The following MCF2L2 variants were observed in gnomAD, a reference collection of about 807,000 sequenced individuals.
MCF2L2 encodes probable guanine nucleotide exchange factor MCF2L2.
Under a neutral mutation model 150.2 loss-of-function variants are expected in MCF2L2, and 102 were observed. The ratio of observed to expected loss-of-function variants is 0.68; its 90% CI spans 0.58 to 0.80. The LOEUF is 0.80. Among genes scored for constraint, MCF2L2 ranks in the 30% least tolerant of loss-of-function variants. MCF2L2 has a pLI of 0.00. For synonymous variants in MCF2L2, 465 were observed against 491.3 expected (o/e 0.95, Z 0.71); for missense variants, 1,256 against 1,372.8 (o/e 0.91, Z 1.34).
At position 183,283,186 on chromosome 3, in the gene MCF2L2, A is replaced by T. The variant is rs1266820665; in HGVS notation, c.1776+5934T>A. Among the ~76,000 whole-genome samples the T allele has an allele frequency of 6.8e-6, 1 of 146,402 alleles. No individual in the cohort carries two copies. The highest frequency in any genetic ancestry group is 2.6e-5 in the African/African-American group (1 of 38,560). ...AGGGAGAACGTTTCAGTCAATGGGT[A>T]TGATTTCTGCTCACCTCTTTTTGCC... On this transcript the variant is annotated intron_variant, in intron 14 of 29. Coordinates refer to ENST00000328913, the MANE Select transcript of MCF2L2 (RefSeq NM_015078.4). The surrounding 1 kb of genome is among the most constrained non-coding windows in gnomAD (Gnocchi z 4.2).
intron 20 of MCF2L2, among the ~76,000 whole-genome samples, chr3:183,220,769 C>T (rs1394334748): frequency 6.6e-6 from 1 of 152,174 alleles, no homozygotes; most frequent in Non-Finnish European, 1.5e-5. Context: ...CCTTAGATAA[C>T]TAGAGGTGTA....
At chr3:183,308,792 C>T (rs1418721046) in intron 10 of MCF2L2, among the ~76,000 whole-genome samples, 1 of 152,182 alleles carries the variant, frequency 6.6e-6, no homozygotes, top group African/African-American at 2.4e-5. Context: ...TTTTATATTT[C>T]TAATTAGCGC....
intron 27 of MCF2L2, among the ~76,000 whole-genome samples, chr3:183,187,719 G>A (rs1198652844): frequency 1.3e-5 from 2 of 151,980 alleles, no homozygotes; most frequent in African/African-American, 2.4e-5. Flanking sequence ...CTCCCGCCTC[G>A]GCCTCCCAAA....
At chr3:183,292,758 T>C (rs1234817416) in intron 13 of MCF2L2, among the ~76,000 whole-genome samples, 2 of 152,224 alleles carry the variant, frequency 1.3e-5, no homozygotes, top group Non-Finnish European at 2.9e-5. Context: ...GTATGTAGTA[T>C]GATTTCCTAT....
At chr3:183,253,255 A>C (rs1412142751) in intron 15 of MCF2L2, 1 of 135,442 alleles carries the variant, frequency 7.4e-6, no homozygotes, top group Non-Finnish European at 1.6e-5. Context: ...TCCCGCCCGC[A>C]TACAGCCCGC....
chr3:183,258,007 G>T (rs982303247), intron 15 of MCF2L2, among the ~76,000 whole-genome samples: 2 of 108,370 alleles, frequency 1.8e-5, no homozygotes, highest in Non-Finnish European at 3.4e-5. Context: ...TCGCTCTGTT[G>T]CCCAGGCTGG....
chr3:183,398,906 T>A (rs1199865079), intron 1 of MCF2L2, among the ~76,000 whole-genome samples: 4 of 152,128 alleles, frequency 2.6e-5, no homozygotes, highest in Admixed American at 6.5e-5. Context: ...TCTTCTTTAG[T>A]AGGGAAAAAA....
chr3:183,343,189 CT>C (rs1478643434), intron 3 of MCF2L2, among the ~76,000 whole-genome samples: 9 of 152,022 alleles, frequency 5.9e-5, no homozygotes, highest in African/African-American at 2.2e-4. Context: ...CATATTTTTC[CT>C]TAAATATGAG....
At chr3:183,244,037 T>C (rs961401961) in intron 15 of MCF2L2, among the ~76,000 whole-genome samples, 4 of 151,786 alleles carry the variant, frequency 2.6e-5, no homozygotes, top group African/African-American at 9.7e-5. Flanking sequence ...GGCAGGAGAA[T>C]GGCATGAATC....
intron 11 of MCF2L2, chr3:183,298,765 G>GCGCGCGCGCGCGCGCGCACACACA: frequency 7.2e-6 from 1 of 138,500 alleles, no homozygotes; most frequent in African/African-American, 2.9e-5. Context: ...AAACACACAT[G>GCGCGCGCGCGCGCGCGCACACACA]CACACACACA....
rs1045102481 is a variant in MCF2L2, at chr3:183,267,609, G to A, written c.1862+9263C>T. ...GCTTGCTATGTGGCTCAGCCTACAC[G>A]GCTCTCTCCCCGTCAGTCCTGTCCA... is the stretch of plus-strand genomic sequence containing the variant. On this transcript the variant is annotated intron_variant, in intron 15 of 29. Coordinates refer to ENST00000328913, the MANE Select transcript of MCF2L2 (RefSeq NM_015078.4). This position sits in a 1 kb window ranked among gnomAD's most constrained non-coding sequence, Gnocchi z 5.5. Among the ~76,000 whole-genome samples the A allele has an allele frequency of 6.6e-6, 1 of 152,224 alleles. No homozygotes were observed. Among genetic ancestry groups the A allele is most frequent in the African/African-American group, 2.4e-5 (1 of 41,462 alleles).
intron 3 of MCF2L2, chr3:183,374,424 C>T (rs1240627749): frequency 6.6e-6 from 1 of 152,404 alleles, no homozygotes; most frequent in Non-Finnish European, 1.5e-5. Flanking sequence ...AATCCCAGCA[C>T]TTCGGGAGGC....
At position 183,259,722 on chromosome 3, in the gene MCF2L2, C is replaced by CTG. The variant is rs574066473; in HGVS notation, c.1862+17148_1862+17149dup. 1.8e-4 allele frequency among the ~76,000 whole-genome samples: 27 copies of CTG among 152,218 alleles called. No homozygotes were observed. The East Asian group carries it at 5.0e-3, about 28-fold the overall frequency. ...CACCCCACCTCTTTTTGTCACCCTC[C>CTG]TGCGACTTTGGATCTCCATCCTTGG... is the stretch of plus-strand genomic sequence containing the variant. On this transcript the variant is annotated intron_variant, in intron 15 of 29. Transcript: ENST00000328913.
intron 27 of MCF2L2, among the ~76,000 whole-genome samples, chr3:183,191,834 ATTTAT>A (rs960576998): frequency 2.6e-5 from 4 of 151,474 alleles, no homozygotes; most frequent in Non-Finnish European, 5.9e-5. Flanking sequence ...TTGTTTATTT[ATTTAT>A]TTATTTTATT....
chr3:183,259,244 T>A (rs540011195), intron 15 of MCF2L2, among the ~76,000 whole-genome samples: 1 of 152,330 alleles, frequency 6.6e-6, no homozygotes, highest in Admixed American at 6.5e-5. Context: ...CTAGCTTGAG[T>A]GAACGTTGTT....
intron 27 of MCF2L2, among the ~76,000 whole-genome samples, chr3:183,188,983 A>G (rs1032519528): frequency 1.3e-5 from 2 of 151,316 alleles, no homozygotes; most frequent in Non-Finnish European, 2.9e-5. Flanking sequence ...AAAAAAAGCA[A>G]CGCTTATGAT....
At chr3:183,234,707 T>TTTTTTTTGTTTTA (rs774291171) in intron 15 of MCF2L2, among the ~76,000 whole-genome samples, 1 of 113,906 alleles carries the variant, frequency 8.8e-6, no homozygotes, top group Non-Finnish European at 1.9e-5. Context: ...TTTTTTTTTT[T>TTTTTTTTGTTTTA]TTATTATACT....
intron 15 of MCF2L2, among the ~76,000 whole-genome samples, chr3:183,234,089 G>A (rs945247736): frequency 2.0e-5 from 3 of 152,130 alleles, no homozygotes; most frequent in South Asian, 4.1e-4. Context: ...AAACAACAAC[G>A]GTTTCTATGT....
At chr3:183,269,194 G>T (rs984138237) in intron 15 of MCF2L2, among the ~76,000 whole-genome samples, 2 of 132,070 alleles carry the variant, frequency 1.5e-5, no homozygotes, top group Non-Finnish European at 3.1e-5. Context: ...TGTGAAATTT[G>T]AACTTAAGTA....
Sources: allele counts gnomAD v4.1 joint callset (sites outside exome capture counted in the v4.1 genomes callset), GRCh38; gene constraint gnomAD v4.1.1; non-coding constraint Gnocchi (gnomAD v3.1); transcripts MANE v1.5; gene names NCBI Gene and HGNC (gene_info 2026-07-23, HGNC 2026-07-21).